GALNTL6: variants seen among roughly 807,000 people sequenced by gnomAD.
The protein encoded by GALNTL6 is polypeptide N-acetylgalactosaminyltransferase-like 6.
In GALNTL6, 46 loss-of-function variants were observed where a neutral mutation model predicts 73.7. That is an observed-to-expected ratio of 0.62 (90% CI 0.49 to 0.80). The LOEUF (loss-of-function observed/expected upper bound fraction) is 0.80. Among genes scored for constraint, GALNTL6 ranks in the 30% least tolerant of loss-of-function variants. The pLI is 0.00. For missense variants in GALNTL6, 604 were observed against 755.0 expected (o/e 0.80, Z 2.34); for synonymous variants, 259 against 263.7 (o/e 0.98, Z 0.17).
chr4:172,156,022 G>A (rs1734242175), intron 2 of GALNTL6, among the ~76,000 whole-genome samples: 1 of 152,006 alleles, frequency 6.6e-6, no homozygotes, highest in Admixed American at 6.6e-5. Context: ...CCGAGAACGT[G>A]CCAACAGACA....
chr4:171,846,393 A>G (rs1025459979), intron 2 of GALNTL6, among the ~76,000 whole-genome samples: 3 of 152,276 alleles, frequency 2.0e-5, no homozygotes, highest in African/African-American at 7.2e-5. Context: ...TCATGGCCAT[A>G]CCATGGCCTT....
chr4:172,031,756 T>G (rs1741777465), intron 2 of GALNTL6, among the ~76,000 whole-genome samples: 1 of 151,934 alleles, frequency 6.6e-6, no homozygotes, highest in Non-Finnish European at 1.5e-5. Context: ...CCTGCTGTAT[T>G]TCAAGGAAAT....
intron 5 of GALNTL6, among the ~76,000 whole-genome samples, chr4:172,686,949 CT>C (rs1732951923): frequency 6.6e-6 from 1 of 152,174 alleles, no homozygotes; most frequent in Non-Finnish European, 1.5e-5. Context: ...ACATTACCGT[CT>C]AGTTCTTACA....
chr4:172,028,654 A>T (rs35090625), intron 2 of GALNTL6, among the ~76,000 whole-genome samples: 2,473 of 152,180 alleles, frequency 0.016, 70 homozygotes, highest in African/African-American at 0.056. Flanking sequence ...TGATTTTCAC[A>T]AATTTTTACT....
At chr4:171,893,687 A>C (rs1289340718) in intron 2 of GALNTL6, among the ~76,000 whole-genome samples, 2 of 152,190 alleles carry the variant, frequency 1.3e-5, no homozygotes. Flanking sequence ...TATATATTTA[A>C]AAATATTTAA....
chr4:172,917,538 A>T (rs1378183623), intron 8 of GALNTL6, among the ~76,000 whole-genome samples: 1 of 152,246 alleles, frequency 6.6e-6, no homozygotes, highest in African/African-American at 2.4e-5. Flanking sequence ...CAAAGAACTC[A>T]AACAAATTTA....
chr4:172,475,663 C>A (rs923781816), intron 5 of GALNTL6, among the ~76,000 whole-genome samples: 1 of 151,982 alleles, frequency 6.6e-6, no homozygotes. Flanking sequence ...AAATTCATAT[C>A]CTATAAGGGA....
chr4:172,982,906 T>C (rs1381340551), intron 10 of GALNTL6, among the ~76,000 whole-genome samples: 1 of 152,152 alleles, frequency 6.6e-6, no homozygotes, highest in Admixed American at 6.5e-5. Flanking sequence ...TCACATGTTC[T>C]CACTCATAAG....
At chr4:172,470,148 A>G (rs548398393) in intron 5 of GALNTL6, among the ~76,000 whole-genome samples, 1 of 152,312 alleles carries the variant, frequency 6.6e-6, no homozygotes, top group East Asian at 1.9e-4. Flanking sequence ...AACAGTCCCT[A>G]AGCACCAGGC....
At chr4:172,907,653 C>T (rs113351683) in intron 8 of GALNTL6, among the ~76,000 whole-genome samples, 2 of 152,182 alleles carry the variant, frequency 1.3e-5, no homozygotes, top group African/African-American at 2.4e-5. Flanking sequence ...TGATTGCTGT[C>T]GGTTGGAACA....
intron 2 of GALNTL6, among the ~76,000 whole-genome samples, chr4:171,862,630 A>T (rs1045865934): frequency 1.3e-5 from 2 of 152,068 alleles, no homozygotes; most frequent in Non-Finnish European, 1.5e-5. Context: ...TGGTATTGAA[A>T]TTATGCCTTA....
chr4:172,345,990 T>C (rs1164421744), intron 4 of GALNTL6, among the ~76,000 whole-genome samples: 1 of 152,148 alleles, frequency 6.6e-6, no homozygotes, highest in African/African-American at 2.4e-5. Flanking sequence ...GGGAATTAAT[T>C]TTTCCCAGAA....
intron 7 of GALNTL6, among the ~76,000 whole-genome samples, chr4:172,877,213 C>A (rs1745237369): frequency 1.3e-5 from 2 of 151,872 alleles, no homozygotes; most frequent in South Asian, 4.2e-4. Context: ...ATTATTCTGA[C>A]CCCCAAAGAT....
At position 172,869,327 on chromosome 4, in the gene GALNTL6, G is replaced by A. The variant is rs181613364; in HGVS notation, c.924-13463G>A. 7.8e-4 allele frequency among the ~76,000 whole-genome samples: 119 copies of A among 152,304 alleles called. 1 individual carries two copies. The highest frequency in any genetic ancestry group is 3.5e-3 in the South Asian group (17 of 4,824). On this transcript the variant is annotated intron_variant, in intron 7 of 12. Transcript: ENST00000506823. ...ATAAACAGTAAGGAAACTGATATAG[G>A]TGGAGTTGTCTGAAAGCACAGCTTG...
chr4:171,928,183 T>C lies in GALNTL6; in HGVS notation c.138+113465T>C, dbSNP rs546138034. Among the ~76,000 whole-genome samples the C allele has an allele frequency of 3.4e-4, 52 of 152,354 alleles. No homozygotes were observed. In the South Asian group the frequency reaches 9.5e-3, roughly 28 times the overall value. ...GGTGATATCTATAAAATATTATATA[T>C]GTGAGAAGTGTTTAGTGCAAAATAA... On this transcript the variant is annotated intron_variant, in intron 2 of 12. Coordinates refer to ENST00000506823, the MANE Select transcript of GALNTL6 (RefSeq NM_001034845.3).
chr4:172,526,796 T>C (rs1734972939), intron 5 of GALNTL6, among the ~76,000 whole-genome samples: 1 of 152,170 alleles, frequency 6.6e-6, no homozygotes, highest in African/African-American at 2.4e-5. Context: ...ACTTTCTTCT[T>C]TCTAATCCCT....
chr4:172,034,391 CGTGCGTGCGTGTGTGTGTGTGTGTGTGT>C (rs1741866395), intron 2 of GALNTL6, among the ~76,000 whole-genome samples: 2 of 74,862 alleles, frequency 2.7e-5, no homozygotes, highest in African/African-American at 1.1e-4. Flanking sequence ...TTAAGGGGAG[CGTGCGTGCGTGTGTGTGTGTGTGTGTGT>C]GTGTGTGTGT....
At chr4:171,823,698 T>C (rs1734743749) in intron 2 of GALNTL6, among the ~76,000 whole-genome samples, 1 of 151,580 alleles carries the variant, frequency 6.6e-6, no homozygotes, top group Non-Finnish European at 1.5e-5. Flanking sequence ...ACTATAATAC[T>C]GAAAGGAGAT....
chr4:172,783,862 G>C (rs1739508083), intron 5 of GALNTL6, among the ~76,000 whole-genome samples: 1 of 152,030 alleles, frequency 6.6e-6, no homozygotes. Context: ...TACTTATCAA[G>C]ATTCTTTTAA....
Sources: gnomAD v4.1 joint callset for allele counts (sites outside exome capture counted in the v4.1 genomes callset) on GRCh38, gnomAD v4.1.1 for gene constraint, MANE v1.5 for transcripts, NCBI Gene and HGNC (gene_info 2026-07-23, HGNC 2026-07-21) for gene names.